Variants in TMEM132C observed in about 807,000 individuals in gnomAD.
TMEM132C encodes the protein transmembrane protein 132C.
Under a neutral mutation model 61.4 loss-of-function variants are expected in TMEM132C, and 29 were observed. The observed-to-expected ratio is 0.47, with a 90% CI of 0.35 to 0.64. TMEM132C has a LOEUF of 0.64. Among genes scored for constraint, TMEM132C ranks in the 30% least tolerant of loss-of-function variants. The pLI is 0.00. For synonymous variants in TMEM132C, 656 were observed against 633.1 expected (o/e 1.04, Z -0.54); for missense variants, 1,408 against 1,476.9 (o/e 0.95, Z 0.76).
intron 1 of TMEM132C, among the ~76,000 whole-genome samples, chr12:128,410,566 C>G (rs1178385891): frequency 6.6e-6 from 1 of 151,994 alleles, no homozygotes; most frequent in Non-Finnish European, 1.5e-5. Context: ...CCACACCCCG[C>G]TGATTTTTTT....
chr12:128,688,999 G>A lies in TMEM132C; in HGVS notation c.1450-4830G>A, dbSNP rs553625153. ...TGTTTTTGTTTTTGTTTTATTTTTA[G>A]TAGAGACAGGGTTTCACCATGTTGG... On this transcript the variant is annotated intron_variant, in intron 5 of 8. Coordinates refer to ENST00000435159, the MANE Select transcript of TMEM132C (RefSeq NM_001136103.3). Among the ~76,000 whole-genome samples, 3 of 150,948 alleles carry A rather than the reference G, an allele frequency of 2.0e-5. No individual in the cohort carries two copies. The East Asian group carries it at 6.0e-4, about 30-fold the overall frequency.
At chr12:128,337,070 A>G (rs1872809132) in intron 1 of TMEM132C, among the ~76,000 whole-genome samples, 1 of 152,246 alleles carries the variant, frequency 6.6e-6, no homozygotes, top group Non-Finnish European at 1.5e-5. Context: ...TGCTTTAAAG[A>G]GAACAAGAGA....
chr12:128,655,232 C>T (rs938280157), intron 4 of TMEM132C, among the ~76,000 whole-genome samples: 1 of 152,202 alleles, frequency 6.6e-6, no homozygotes, highest in Non-Finnish European at 1.5e-5. Context: ...CTTTTCTCCC[C>T]TGATGAGAGG....
chr12:128,572,271 G>C (rs1874917060), intron 3 of TMEM132C, among the ~76,000 whole-genome samples: 1 of 145,934 alleles, frequency 6.9e-6, no homozygotes, highest in Non-Finnish European at 1.5e-5. Context: ...CTCTGGTCAG[G>C]CCTGGGTCAC....
At chr12:128,588,806 G>A (rs772031822) in intron 3 of TMEM132C, among the ~76,000 whole-genome samples, 16 of 152,130 alleles carry the variant, frequency 1.1e-4, no homozygotes, top group East Asian at 1.9e-4. Context: ...CCTGGGCTTC[G>A]GCCTGCAGAA....
At chr12:128,536,327 T>G in intron 2 of TMEM132C, among the ~76,000 whole-genome samples, 1 of 151,454 alleles carries the variant, frequency 6.6e-6, no homozygotes, top group Non-Finnish European at 1.5e-5. Flanking sequence ...CACTCATAGG[T>G]GGGAATTGAA....
At chr12:128,435,941 C>T (rs917566042) in intron 2 of TMEM132C, among the ~76,000 whole-genome samples, 29 of 152,124 alleles carry the variant, frequency 1.9e-4, no homozygotes, top group Admixed American at 8.5e-4. Context: ...TACTGGTACT[C>T]AAATCAGAGA....
At chr12:128,539,501 C>T (rs1011949177) in intron 2 of TMEM132C, among the ~76,000 whole-genome samples, 9 of 151,890 alleles carry the variant, frequency 5.9e-5, no homozygotes, top group Non-Finnish European at 1.3e-4. Context: ...GCCTGTAGTC[C>T]CAGCTACCCG....
chr12:128,422,223 C>G (rs1382752481), intron 2 of TMEM132C, among the ~76,000 whole-genome samples: 1 of 152,224 alleles, frequency 6.6e-6, no homozygotes, highest in Non-Finnish European at 1.5e-5. Context: ...CTTCCACTGA[C>G]TGCCTCCCCA....
intron 1 of TMEM132C, among the ~76,000 whole-genome samples, chr12:128,376,727 T>C (rs974946198): frequency 3.3e-5 from 5 of 152,230 alleles, no homozygotes; most frequent in African/African-American, 1.2e-4. Flanking sequence ...CATCTCACTT[T>C]GTATTTAGGA....
intron 2 of TMEM132C, among the ~76,000 whole-genome samples, chr12:128,501,229 A>T (rs375090549): frequency 1.3e-5 from 2 of 152,158 alleles, no homozygotes; most frequent in African/African-American, 4.8e-5. Flanking sequence ...ACCAAGACTG[A>T]TGCAGCCATT....
At chr12:128,322,032 G>A (rs1374829848) in intron 1 of TMEM132C, among the ~76,000 whole-genome samples, 3 of 152,180 alleles carry the variant, frequency 2.0e-5, no homozygotes, top group African/African-American at 7.2e-5. Flanking sequence ...CACTCTCCCA[G>A]AATCTTACTA....
intron 3 of TMEM132C, among the ~76,000 whole-genome samples, chr12:128,614,414 C>T (rs1265072168): frequency 6.6e-6 from 1 of 152,024 alleles, no homozygotes; most frequent in Non-Finnish European, 1.5e-5. Flanking sequence ...ATTTGGTTCA[C>T]AGGACACAGT....
At chr12:128,701,115 A>G (rs1385075864) in intron 8 of TMEM132C, among the ~76,000 whole-genome samples, 4 of 152,264 alleles carry the variant, frequency 2.6e-5, no homozygotes, top group African/African-American at 9.6e-5. Flanking sequence ...ATCTGGGATA[A>G]ATATAACAAC....
intron 2 of TMEM132C, among the ~76,000 whole-genome samples, chr12:128,429,978 G>A (rs1869331901): frequency 6.6e-6 from 1 of 152,114 alleles, no homozygotes; most frequent in South Asian, 2.1e-4. Context: ...GACCAGGCAT[G>A]GCTGCACATC....
chr12:128,286,835 A>G (rs1871091095), intron 1 of TMEM132C, among the ~76,000 whole-genome samples: 1 of 152,138 alleles, frequency 6.6e-6, no homozygotes, highest in Non-Finnish European at 1.5e-5. Flanking sequence ...AGAAGAAGGG[A>G]GAGAGGGAGT....
intron 1 of TMEM132C, among the ~76,000 whole-genome samples, chr12:128,353,156 G>T (rs147622633): frequency 4.1e-4 from 62 of 152,316 alleles, no homozygotes; most frequent in African/African-American, 1.4e-3. Context: ...GTGGGGTTGA[G>T]ACCAGGAGGA....
intron 2 of TMEM132C, among the ~76,000 whole-genome samples, chr12:128,537,000 A>T (rs1873555709): frequency 6.6e-6 from 1 of 152,206 alleles, no homozygotes; most frequent in Non-Finnish European, 1.5e-5. Flanking sequence ...AGTAAGAAGG[A>T]TAAATATGCA....
At chr12:128,582,851 T>A (rs1213996369) in intron 3 of TMEM132C, among the ~76,000 whole-genome samples, 1 of 152,156 alleles carries the variant, frequency 6.6e-6, no homozygotes, top group Non-Finnish European at 1.5e-5. Context: ...CTTAGCTCAC[T>A]GCAGCCTCAA....
Sources: gnomAD v4.1 joint callset for allele counts (sites outside exome capture counted in the v4.1 genomes callset) on GRCh38, gnomAD v4.1.1 for gene constraint, MANE v1.5 for transcripts, NCBI Gene and HGNC (gene_info 2026-07-23, HGNC 2026-07-21) for gene names.